The following VWC2L variants were observed in gnomAD, a reference collection of about 807,000 sequenced individuals.
VWC2L encodes von Willebrand factor C domain-containing protein 2-like.
VWC2L carries 10 observed loss-of-function variants against 21.6 expected under a neutral mutation model. That is an observed-to-expected ratio of 0.46 (90% CI 0.29 to 0.78). The LOEUF (loss-of-function observed/expected upper bound fraction) is 0.78. VWC2L is among the 30% of genes least tolerant of loss of function. VWC2L has a pLI of 0.10. For synonymous variants in VWC2L, 96 were observed against 94.3 expected (o/e 1.02, Z -0.10); for missense variants, 209 against 277.1 (o/e 0.75, Z 1.74).
chr2:214,423,191 A>G (rs957873277), intron 2 of VWC2L, among the ~76,000 whole-genome samples: 3 of 152,054 alleles, frequency 2.0e-5, no homozygotes, highest in Non-Finnish European at 2.9e-5. Context: ...ATCTGCATTT[A>G]TATAAATTTT....
chr2:214,497,357 T>C (rs1688826830), intron 3 of VWC2L, among the ~76,000 whole-genome samples: 1 of 152,190 alleles, frequency 6.6e-6, no homozygotes, highest in African/African-American at 2.4e-5. Flanking sequence ...TTAAAAAAGC[T>C]TTCTGTTTGT....
At chr2:214,431,355 G>T (rs748039759) in intron 2 of VWC2L, among the ~76,000 whole-genome samples, 2 of 152,146 alleles carry the variant, frequency 1.3e-5, no homozygotes, top group Non-Finnish European at 2.9e-5. Flanking sequence ...TTGTGGAAAA[G>T]ATTAGATTTT....
At chr2:214,414,948 T>C in intron 2 of VWC2L, 1 of 241,600 alleles carries the variant, frequency 4.1e-6, no homozygotes, top group Non-Finnish European at 7.9e-6. Context: ...TTGTGTCAGT[T>C]TTGTGTGTTG....
At position 214,547,661 on chromosome 2, in the gene VWC2L, T is replaced by C. The variant is rs531377959; in HGVS notation, c.521-28011T>C. Among the ~76,000 whole-genome samples the C allele has an allele frequency of 7.9e-5, 12 of 152,322 alleles. No individual in the cohort carries two copies. In the South Asian group the frequency reaches 2.5e-3, roughly 32 times the overall value. On this transcript the variant is annotated intron_variant, in intron 3 of 3. Transcript: ENST00000312504. Reference sequence around the variant, plus strand: ...CTCACTGAAATTATATCTAGCTTTCTCCCTCAGTGACAGGATTCAATAATT... The same window carrying C: ...CTCACTGAAATTATATCTAGCTTTCCCCCTCAGTGACAGGATTCAATAATT...
intron 3 of VWC2L, among the ~76,000 whole-genome samples, chr2:214,540,519 A>T (rs567109626): frequency 6.6e-6 from 1 of 152,196 alleles, no homozygotes; most frequent in Non-Finnish European, 1.5e-5. Flanking sequence ...TACAGCGGTT[A>T]TATACCAAGG....
chr2:214,537,099 C>G (rs533322787), intron 3 of VWC2L, among the ~76,000 whole-genome samples: 5 of 151,896 alleles, frequency 3.3e-5, no homozygotes, highest in Non-Finnish European at 7.4e-5. Context: ...CCCTCTCTCC[C>G]ATAATCTGGG....
chr2:214,560,098 T>C (rs891120504), intron 3 of VWC2L, among the ~76,000 whole-genome samples: 1 of 152,220 alleles, frequency 6.6e-6, no homozygotes, highest in Admixed American at 6.5e-5. Context: ...CTCTTATTTA[T>C]ACTGATCTTA....
At chr2:214,456,316 T>C (rs10179441) in intron 3 of VWC2L, among the ~76,000 whole-genome samples, 24,332 of 152,174 alleles carry the variant, frequency 0.16, 2,032 homozygotes, top group East Asian at 0.26. Context: ...TTTATATACC[T>C]GTTGGCTATT....
intron 3 of VWC2L, among the ~76,000 whole-genome samples, chr2:214,521,280 A>AAATCAATCAAT (rs1264716405): frequency 2.7e-4 from 40 of 147,084 alleles, no homozygotes; most frequent in South Asian, 6.5e-4. Flanking sequence ...AATAAATAAA[A>AAATCAATCAAT]CTACCAAGTT....
intron 3 of VWC2L, chr2:214,473,774 T>C (rs1033534304): frequency 1.2e-5 from 1 of 80,694 alleles, no homozygotes; most frequent in Non-Finnish European, 3.0e-5. Context: ...AACTTCCTGA[T>C]TTAAAAAAAA....
At chr2:214,422,196 A>G (rs1049071798) in intron 2 of VWC2L, among the ~76,000 whole-genome samples, 4 of 151,948 alleles carry the variant, frequency 2.6e-5, no homozygotes, top group Admixed American at 2.6e-4. Flanking sequence ...CCTATTTCCT[A>G]CATCTTATTT....
intron 3 of VWC2L, among the ~76,000 whole-genome samples, chr2:214,509,415 C>T (rs1689018507): frequency 6.6e-6 from 1 of 151,728 alleles, no homozygotes; most frequent in South Asian, 2.1e-4. Flanking sequence ...GCCTATATAC[C>T]CCAAGACAGA....
chr2:214,419,220 C>G (rs1471771219), intron 2 of VWC2L, among the ~76,000 whole-genome samples: 2 of 152,132 alleles, frequency 1.3e-5, no homozygotes, highest in East Asian at 3.9e-4. Flanking sequence ...ATAAAGGTCA[C>G]TGTATAGTAG....
chr2:214,512,157 T>C (rs1689066251), intron 3 of VWC2L, among the ~76,000 whole-genome samples: 1 of 152,166 alleles, frequency 6.6e-6, no homozygotes, highest in African/African-American at 2.4e-5. Flanking sequence ...AAATTTTTCT[T>C]TCTACAACAG....
intron 3 of VWC2L, among the ~76,000 whole-genome samples, chr2:214,503,404 A>G (rs4517968): frequency 0.17 from 25,287 of 152,080 alleles, 2,227 homozygotes; most frequent in East Asian, 0.27. Context: ...AATATGTAAT[A>G]TTAATATATT....
chr2:214,489,613 C>A (rs780047545), intron 3 of VWC2L, among the ~76,000 whole-genome samples: 29 of 152,288 alleles, frequency 1.9e-4, no homozygotes, highest in African/African-American at 4.3e-4. Flanking sequence ...GATTTTGGAA[C>A]CTTCACTGAG....
chr2:214,478,052 T>C (rs190413445), intron 3 of VWC2L, among the ~76,000 whole-genome samples: 81 of 152,336 alleles, frequency 5.3e-4, no homozygotes, highest in African/African-American at 1.7e-3. Flanking sequence ...TCTCAACTCA[T>C]TAATTAGAAT....
At chr2:214,470,820 G>A (rs1346400765) in intron 3 of VWC2L, among the ~76,000 whole-genome samples, 1 of 148,710 alleles carries the variant, frequency 6.7e-6, no homozygotes, top group Non-Finnish European at 1.5e-5. Flanking sequence ...GGGAGGCTGA[G>A]GCAGGAGAAT....
intron 3 of VWC2L, among the ~76,000 whole-genome samples, chr2:214,489,208 A>AT (rs1368983687): frequency 1.3e-5 from 2 of 152,186 alleles, no homozygotes; most frequent in Non-Finnish European, 2.9e-5. Flanking sequence ...CAAAGAAATC[A>AT]TTTTTATCAA....
Sources: gnomAD v4.1 joint callset for allele counts (sites outside exome capture counted in the v4.1 genomes callset) on GRCh38, gnomAD v4.1.1 for gene constraint, MANE v1.5 for transcripts, NCBI Gene and HGNC (gene_info 2026-07-23, HGNC 2026-07-21) for gene names.